KCNG4: variants seen among roughly 807,000 people sequenced by gnomAD.
KCNG4 encodes voltage-gated potassium channel regulatory subunit KCNG4.
Under a neutral mutation model 28.2 loss-of-function variants are expected in KCNG4, and 30 were observed. The observed-to-expected ratio is 1.06, with a 90% confidence interval of 0.80 to 1.44. The LOEUF is 1.44. Ranked by LOEUF, KCNG4 falls within the 40% of genes most tolerant of loss-of-function variation. KCNG4 has a pLI of 0.00. For missense variants in KCNG4, 879 were observed against 712.3 expected (o/e 1.23, Z -2.66); for synonymous variants, 375 against 315.5 (o/e 1.19, Z -2.00).
In KCNG4 at chr16:84,236,941, T is replaced by A. The variant is rs754068619; in HGVS notation, c.545A>T (p.Asp182Val). ...LEELAKLHRE[D>V]VLRQQRETRR... ...GGTCTCCCTCTGCTGCCTCAGTACG[T>A]CCTCCCTGTGCAGCTTGGCCAGCTC... is the stretch of plus-strand genomic sequence containing the variant. Residue 182 changes from aspartate (D) to valine (V), a missense_variant, in exon 2 of 3, where the codon GAC becomes GTC. By Grantham distance (152) the Asp-to-Val change is radical. Coordinates refer to ENST00000308251, the MANE Select transcript of KCNG4 (RefSeq NM_172347.3). The A allele has an allele frequency of 1.2e-6, 2 of 1,613,476 alleles. No homozygotes were observed. The highest frequency in any genetic ancestry group is 3.3e-5 in the Admixed American group (2 of 60,024).
intron 2 of KCNG4, chr16:84,236,434 G>A (rs1478039308): frequency 1.3e-5 from 6 of 455,606 alleles, no homozygotes; most frequent in Non-Finnish European, 2.3e-5. Context: ...AGAGCTGGGA[G>A]AGGTGACACT....
chr16:84,237,134 T>C lies in KCNG4; in HGVS notation c.352A>G (p.Ser118Gly), dbSNP rs768873679. 2 of 1,614,112 alleles carry C rather than the reference T, an allele frequency of 1.2e-6. No homozygotes were observed. Among genetic ancestry groups the C allele is most frequent in the Admixed American group, 3.3e-5 (2 of 60,020 alleles). Residue 118 changes from serine to glycine, a missense_variant, in exon 2 of 3, where the codon AGC becomes GGC. Coordinates refer to ENST00000308251, the MANE Select transcript of KCNG4 (RefSeq NM_172347.3). Reference sequence around the variant, plus strand: ...AAGCTCACGATCACCCCGAAGGCGCTGGGGCTCCTGTCGAAGAAGAACTCC... The same window carrying C: ...AAGCTCACGATCACCCCGAAGGCGCCGGGGCTCCTGTCGAAGAAGAACTCC... Reference protein sequence around the residue: ...SQEFFFDRSPSAFGVIVSFLA... With the variant: ...SQEFFFDRSPGAFGVIVSFLA...
At chr16:84,236,566 C>A in intron 2 of KCNG4, 164 bp downstream of exon 2, 2 of 878,904 alleles carry the variant, frequency 2.3e-6, no homozygotes, top group Non-Finnish European at 3.3e-6. Flanking sequence ...GGAAAATTAT[C>A]TTTTATGACT....
At position 84,221,088 on chromosome 16, in the gene KCNG4, T is replaced by C. The variant is rs1225774291; in HGVS notation, c.*1129A>G. ...AATATGCTGGTTTATCTCCAGTGAC[T>C]CAGACCTCCATCTGCCTCCTCCCCT... On this transcript the variant is annotated 3_prime_UTR_variant, in exon 3 of 3. Coordinates refer to ENST00000308251, the MANE Select transcript of KCNG4 (RefSeq NM_172347.3). The C allele has an allele frequency of 6.6e-6, 1 of 152,386 alleles. No homozygotes were observed. The highest frequency in any genetic ancestry group is 2.4e-5 in the African/African-American group (1 of 41,452). 9.4% of individuals were successfully genotyped at this position (152,386 alleles called of 1,614,324 possible).
chr16:84,231,145 TG>T (rs1467741273), intron 2 of KCNG4, among the ~76,000 whole-genome samples: 1 of 152,226 alleles, frequency 6.6e-6, no homozygotes, highest in Non-Finnish European at 1.5e-5. Context: ...CACTCTGTGC[TG>T]GCCCCTGATA....
rs1362379723 is a variant in KCNG4, at chr16:84,222,790, C to T, written c.987G>A (p.Leu329=). The change falls in exon 3 of 3, where the codon CTG becomes CTA. Residue 329 remains leucine, a synonymous_variant. Coordinates refer to ENST00000308251, the MANE Select transcript of KCNG4 (RefSeq NM_172347.3). ...CACGCAGGACCAGCCCCACCTTCTC[C>T]AGGTAGGAGCTCCCGCTCGGCCTCT... ...DGERPSGSSY[L]EKVGLVLRVL... 6.2e-7 allele frequency: 1 copy of T among 1,610,308 alleles called. No homozygotes were observed. The highest frequency in any genetic ancestry group is 8.5e-7 in the Non-Finnish European group (1 of 1,177,344).
chr16:84,237,788 A>G (rs1905011932), intron 1 of KCNG4, among the ~76,000 whole-genome samples: 1 of 152,140 alleles, frequency 6.6e-6, no homozygotes, highest in African/African-American at 2.4e-5. Flanking sequence ...CGTTGCACGG[A>G]TGGGGGCTTG....
intron 2 of KCNG4, among the ~76,000 whole-genome samples, chr16:84,225,737 T>C (rs1904682285): frequency 6.6e-6 from 1 of 152,228 alleles, no homozygotes; most frequent in Admixed American, 6.5e-5. Flanking sequence ...GGCTGGCATT[T>C]GGACACTCAA....
chr16:84,236,517 C>A (rs1188505053), intron 2 of KCNG4: 2 of 659,340 alleles, frequency 3.0e-6, no homozygotes, highest in Non-Finnish European at 4.9e-6. Flanking sequence ...GCCTTAGGCA[C>A]TTTTGCCTTT....
At chr16:84,229,073 C>T (rs1319477182) in intron 2 of KCNG4, among the ~76,000 whole-genome samples, 4 of 151,938 alleles carry the variant, frequency 2.6e-5, no homozygotes, top group South Asian at 2.1e-4. Flanking sequence ...CTGAAGTGGG[C>T]AGATCACTTG....
At chr16:84,231,326 GC>G (rs1017870193) in intron 2 of KCNG4, among the ~76,000 whole-genome samples, 8 of 152,200 alleles carry the variant, frequency 5.3e-5, no homozygotes, top group African/African-American at 1.9e-4. Flanking sequence ...AAAGATGCTG[GC>G]CCTTACCCTG....
At position 84,222,355 on chromosome 16, in the gene KCNG4, G is replaced by C; in HGVS notation, c.1422C>G (p.Arg474=). Residue 474 remains arginine, a synonymous_variant, in exon 3 of 3, where the codon CGC becomes CGG. Transcript: ENST00000308251. ...GACCGGTGTTTTGGAGGTGGCGGAG[G>C]CGGGCCTGAAGCTGCTCCTGCTCCT... ...LKKEQEQLQA[R]LRHLQNTGPA... is the part of the protein sequence containing the mutation. 6.2e-7 allele frequency: 1 copy of C among 1,614,118 alleles called. No homozygotes were observed. The highest frequency in any genetic ancestry group is 8.5e-7 in the Non-Finnish European group (1 of 1,180,004).
At chr16:84,224,417 C>CACACATACACACAT (rs150124690) in intron 2 of KCNG4, among the ~76,000 whole-genome samples, 1 of 151,148 alleles carries the variant, frequency 6.6e-6, no homozygotes, top group African/African-American at 2.4e-5. Flanking sequence ...CACACACACA[C>CACACATACACACAT]ACACACACAC....
intron 2 of KCNG4, among the ~76,000 whole-genome samples, chr16:84,235,111 C>T (rs1904916876): frequency 6.6e-6 from 1 of 152,208 alleles, no homozygotes; most frequent in African/African-American, 2.4e-5. Context: ...GCCCACCTCT[C>T]CCCTCTAATT....
intron 2 of KCNG4, among the ~76,000 whole-genome samples, chr16:84,234,033 C>A (rs185225307): frequency 6.6e-6 from 1 of 152,266 alleles, no homozygotes; most frequent in South Asian, 2.1e-4. Flanking sequence ...GCCTCACGAG[C>A]GGCACTTAGG....
At chr16:84,239,041 T>A (rs1307620526) in intron 1 of KCNG4, among the ~76,000 whole-genome samples, 1 of 152,210 alleles carries the variant, frequency 6.6e-6, no homozygotes. Context: ...CTTATGCTAT[T>A]CATTCTAGCC....
At chr16:84,228,495 C>T (rs1000106886) in intron 2 of KCNG4, among the ~76,000 whole-genome samples, 1 of 152,164 alleles carries the variant, frequency 6.6e-6, no homozygotes, top group African/African-American at 2.4e-5. Context: ...CCACTTTTCT[C>T]TCGGCCAGCC....
At chr16:84,238,926 T>C (rs1322791928) in intron 1 of KCNG4, among the ~76,000 whole-genome samples, 2 of 152,206 alleles carry the variant, frequency 1.3e-5, no homozygotes, top group African/African-American at 4.8e-5. Context: ...ATTTCAGACC[T>C]ATATGAGGTG....
At chr16:84,234,944 C>T (rs1862834) in intron 2 of KCNG4, among the ~76,000 whole-genome samples, 18,625 of 152,194 alleles carry the variant, frequency 0.12, 1,326 homozygotes, top group East Asian at 0.27. Context: ...CTCTGGGCAG[C>T]ACCTCAGCCT....
Sources: gnomAD v4.1 joint callset for allele counts (sites outside exome capture counted in the v4.1 genomes callset) on GRCh38, gnomAD v4.1.1 for gene constraint, MANE v1.5 for transcripts, NCBI Gene and HGNC (gene_info 2026-07-23, HGNC 2026-07-21) for gene names.